Variants in SLC25A33 observed in about 807,000 individuals in gnomAD.
SLC25A33 encodes solute carrier family 25 member 33.
Under a neutral mutation model 35.5 loss-of-function variants are expected in SLC25A33, and 15 were observed. The observed-to-expected ratio is 0.42, with a 90% confidence interval of 0.28 to 0.65. The LOEUF (loss-of-function observed/expected upper bound fraction) is 0.65, where lower values mean the gene tolerates loss of function less well. Among genes scored for constraint, SLC25A33 ranks in the 30% least tolerant of loss-of-function variants. The pLI is 0.20. For synonymous variants in SLC25A33, 136 were observed against 148.7 expected (o/e 0.91, Z 0.62); for missense variants, 257 against 398.5 (o/e 0.64, Z 3.02).
At chr1:9,540,891 G>A (rs563275120) in intron 1 of SLC25A33, among the ~76,000 whole-genome samples, 5 of 152,238 alleles carry the variant, frequency 3.3e-5, no homozygotes, top group South Asian at 2.1e-4. Flanking sequence ...CAAAAACTTC[G>A]GTGGGTCTTC....
chr1:9,547,451 GAA>G (rs112917804), intron 1 of SLC25A33, among the ~76,000 whole-genome samples: 2 of 128,696 alleles, frequency 1.6e-5, no homozygotes, highest in African/African-American at 2.9e-5. Flanking sequence ...TCTCAAAAGA[GAA>G]AAAAAAAAAA....
chr1:9,562,979 C>T (rs183029080), intron 2 of SLC25A33, among the ~76,000 whole-genome samples: 1,723 of 141,202 alleles, frequency 0.012, 32 homozygotes, highest in Admixed American at 0.038. Context: ...AGTGCAGTGG[C>T]GCAATCTCGG....
chr1:9,542,565 A>G (rs1643101659), intron 1 of SLC25A33, among the ~76,000 whole-genome samples: 1 of 152,146 alleles, frequency 6.6e-6, no homozygotes, highest in Non-Finnish European at 1.5e-5. Flanking sequence ...AAATGAGGCC[A>G]CCCAGAGGTC....
chr1:9,553,215 T>TG (rs1643292982), intron 1 of SLC25A33, among the ~76,000 whole-genome samples: 4 of 135,552 alleles, frequency 3.0e-5, no homozygotes, highest in Non-Finnish European at 4.7e-5. Flanking sequence ...TTTTTTTTTT[T>TG]TTTTTTTTTT....
chr1:9,572,913 A>AAT (rs1462867147), intron 4 of SLC25A33, among the ~76,000 whole-genome samples: 1 of 152,090 alleles, frequency 6.6e-6, no homozygotes, highest in Non-Finnish European at 1.5e-5. Context: ...AAAAAAAAAA[A>AAT]AAAAATTTTT....
At chr1:9,566,043 G>A (rs987199013) in intron 2 of SLC25A33, among the ~76,000 whole-genome samples, 1 of 150,530 alleles carries the variant, frequency 6.6e-6, no homozygotes, top group African/African-American at 2.4e-5. Flanking sequence ...CTTTTTTTTT[G>A]TTTTTAATTT....
intron 2 of SLC25A33, among the ~76,000 whole-genome samples, chr1:9,563,668 A>C (rs774405374): frequency 6.6e-6 from 1 of 152,182 alleles, no homozygotes; most frequent in African/African-American, 2.4e-5. Flanking sequence ...CCTTTTCATC[A>C]TACCTTCTGT....
intron 5 of SLC25A33, among the ~76,000 whole-genome samples, chr1:9,575,436 G>A (rs1253099396): frequency 6.6e-6 from 1 of 151,388 alleles, no homozygotes; most frequent in African/African-American, 2.4e-5. Context: ...CCAACATGGT[G>A]AAACCCCGTC....
Position 9,584,968 on chromosome 1 carries a change from C to T in SLC25A33, c.*2467C>T, listed in dbSNP as rs1188930139. 8 of 152,220 alleles carry T rather than the reference C, an allele frequency of 5.3e-5. No individual in the cohort carries two copies. Among genetic ancestry groups the T allele is most frequent in the Non-Finnish European group, 1.2e-4 (8 of 68,038 alleles). The allele number at this position is 152,220 out of a possible 1,614,324, so 9.4% of individuals were successfully genotyped here. A position where few individuals can be genotyped will look rare whatever the true frequency, so the allele number is the denominator to read the frequency against. ...CTGGCCAGAAGCGATCTTACCTCCTCAGCCTCCCAAAGCACTGGAATTACA... is the reference window on the plus strand; with the variant it reads ...CTGGCCAGAAGCGATCTTACCTCCTTAGCCTCCCAAAGCACTGGAATTACA... On this transcript the variant is annotated 3_prime_UTR_variant, in exon 7 of 7. Coordinates refer to ENST00000302692, the MANE Select transcript of SLC25A33 (RefSeq NM_032315.3).
intron 5 of SLC25A33, among the ~76,000 whole-genome samples, chr1:9,575,212 C>CAAAAAAAAAAAAA: frequency 1.7e-5 from 1 of 58,720 alleles, no homozygotes; most frequent in Non-Finnish European, 3.4e-5. Context: ...GACTCTGGCT[C>CAAAAAAAAAAAAA]AAAAAAAAAA....
chr1:9,547,278 A>ACC (rs547761501), intron 1 of SLC25A33, among the ~76,000 whole-genome samples: 2 of 152,146 alleles, frequency 1.3e-5, no homozygotes, highest in Non-Finnish European at 2.9e-5. Context: ...ACATGGTGAA[A>ACC]CCCCATCTCT....
rs373067377 is a variant in SLC25A33, at chr1:9,579,911, T to C, written c.483-43T>C. 1.1e-5 allele frequency: 18 copies of C among 1,581,508 alleles called. No individual in the cohort carries two copies. In the Admixed American group the frequency reaches 2.8e-4, roughly 24 times the overall value. ...ACTGTGTGATGTCTGTGTTCCACCATGATATGTCTCCTTAACAGCCTGTGT... is the reference window on the plus strand; with the variant it reads ...ACTGTGTGATGTCTGTGTTCCACCACGATATGTCTCCTTAACAGCCTGTGT... On this transcript the variant is annotated intron_variant, in intron 5 of 6. Transcript: ENST00000302692.
intron 3 of SLC25A33, 38 bp from the exon 4 acceptor site, chr1:9,570,219 TG>T (rs748601769): frequency 6.4e-7 from 1 of 1,570,996 alleles, no homozygotes; most frequent in Non-Finnish European, 8.7e-7. Flanking sequence ...AAAGTTGCAC[TG>T]TGATGATTTC....
rs759948804 is a variant in SLC25A33 at position 9,582,357 on chromosome 1, G to A, written c.822G>A (p.Thr274=). 47 of 1,613,828 alleles carry A rather than the reference G, an allele frequency of 2.9e-5. No homozygotes were observed. The highest frequency in any genetic ancestry group is 6.7e-5 in the Admixed American group (4 of 59,982). ...CCAAGTACAAGTCTTTTGTCCAGAC[G>A]GCGCGCCTGGTGTTCCGGGAAGAAG... ...EGTKYKSFVQ[T]ARLVFREEGY... is the part of the protein sequence containing the mutation. The change falls in exon 7 of 7, where the codon ACG becomes ACA. Residue 274 remains threonine (T), a synonymous_variant. Coordinates refer to ENST00000302692, the MANE Select transcript of SLC25A33 (RefSeq NM_032315.3). This position sits in a 1 kb window ranked among gnomAD's most constrained non-coding sequence, Gnocchi z 4.0.
intron 2 of SLC25A33, 48 bp from the exon 3 acceptor site, chr1:9,567,236 A>G (rs1344099562): frequency 1.3e-6 from 2 of 1,487,496 alleles, no homozygotes; most frequent in Non-Finnish European, 1.9e-6. Context: ...CATTTTTAAT[A>G]GGCCTTGCCT....
At chr1:9,573,988 TG>T (rs1307863002) in intron 5 of SLC25A33, among the ~76,000 whole-genome samples, 3 of 152,088 alleles carry the variant, frequency 2.0e-5, no homozygotes, top group African/African-American at 7.2e-5. Context: ...TTGTTGTTGT[TG>T]TTGTTTTGTT....
intron 1 of SLC25A33, among the ~76,000 whole-genome samples, chr1:9,546,829 C>T (rs1473121436): frequency 6.6e-6 from 1 of 152,050 alleles, no homozygotes; most frequent in Non-Finnish European, 1.5e-5. Context: ...TCAGTGTCAC[C>T]AGGAGGGGCC....
chr1:9,568,665 C>T (rs1035575866), intron 3 of SLC25A33, among the ~76,000 whole-genome samples: 7 of 151,096 alleles, frequency 4.6e-5, no homozygotes, highest in Admixed American at 2.0e-4. Flanking sequence ...TCCTGGCTAA[C>T]GCGGTGAAAC....
intron 2 of SLC25A33, among the ~76,000 whole-genome samples, chr1:9,560,249 CT>C (rs1643402428): frequency 7.0e-6 from 1 of 143,610 alleles, no homozygotes; most frequent in African/African-American, 2.6e-5. Flanking sequence ...GAGACTCCAT[CT>C]CAAAAAAAAA....
Sources: allele counts gnomAD v4.1 joint callset (sites outside exome capture counted in the v4.1 genomes callset), GRCh38; gene constraint gnomAD v4.1.1; non-coding constraint Gnocchi (gnomAD v3.1); transcripts MANE v1.5; gene names NCBI Gene and HGNC (gene_info 2026-07-23, HGNC 2026-07-21).